Variants in AKR1B15 observed in about 807,000 individuals in gnomAD.
AKR1B15 encodes estradiol 17-beta-dehydrogenase AKR1B15.
In AKR1B15, 49 loss-of-function variants were observed where a neutral mutation model predicts 38.5. The observed-to-expected ratio is 1.27, with a 90% CI of 1.01 to 1.62. The LOEUF is 1.62. Ranked by LOEUF, AKR1B15 falls within the 40% of genes most tolerant of loss-of-function variation. The pLI is 0.00. For missense variants in AKR1B15, 411 were observed against 381.6 expected, an observed-to-expected ratio of 1.08 and a Z score of -0.64; for synonymous variants, 137 against 135.5, an observed-to-expected ratio of 1.01 and a Z score of -0.08.
In AKR1B15 at chr7:134,579,815, A is replaced by G. The variant is rs1794844210; in HGVS notation, c.*266A>G. 1 of 371,546 alleles carries G rather than the reference A, an allele frequency of 2.7e-6. No individual in the cohort carries two copies. The highest frequency in any genetic ancestry group is 1.1e-4 in the South Asian group (1 of 8,788). The allele number at this position is 371,546 out of a possible 1,614,324, so 23.0% of individuals were successfully genotyped here. ...TGATCAAATGTCTGTTAAGCACCAGAAACTCTGCCAACACTGAGGATGTAA... is the reference window on the plus strand; with the variant it reads ...TGATCAAATGTCTGTTAAGCACCAGGAACTCTGCCAACACTGAGGATGTAA... On this transcript the variant is annotated 3_prime_UTR_variant, in exon 12 of 12. Coordinates refer to ENST00000457545, the MANE Select transcript of AKR1B15 (RefSeq NM_001080538.3).
At chr7:134,552,912 A>C (rs915890956) in intron 1 of AKR1B15, among the ~76,000 whole-genome samples, 32 of 152,272 alleles carry the variant, frequency 2.1e-4, no homozygotes, top group African/African-American at 7.7e-4. Context: ...ATTCTGAGCC[A>C]GTCACCCTAA....
intron 2 of AKR1B15, among the ~76,000 whole-genome samples, chr7:134,562,880 T>TTCTTTCTTTCTTTC (rs1491286177): frequency 7.2e-5 from 10 of 139,200 alleles, no homozygotes; most frequent in Non-Finnish European, 1.2e-4. Context: ...CTTTCTTTCT[T>TTCTTTCTTTCTTTC]TCTTTCTTTC....
intron 3 of AKR1B15, among the ~76,000 whole-genome samples, chr7:134,566,367 T>C (rs1278615804): frequency 6.6e-6 from 1 of 152,178 alleles, no homozygotes; most frequent in Non-Finnish European, 1.5e-5. Context: ...ATCTGCACTT[T>C]AACAAGTTCC....
chr7:134,560,918 A>C (rs1794368470), intron 2 of AKR1B15, among the ~76,000 whole-genome samples: 1 of 152,212 alleles, frequency 6.6e-6, no homozygotes, highest in South Asian at 2.1e-4. Context: ...AGGCTAATTA[A>C]TTCAAAGAAA....
rs1794839703 is a variant in AKR1B15 at position 134,579,546 on chromosome 7, T to C, written c.1032T>C (p.Tyr344=). Residue 344 remains tyrosine, a synonymous_variant, in exon 12 of 12, where the codon TAT becomes TAC. Coordinates refer to ENST00000457545, the MANE Select transcript of AKR1B15 (RefSeq NM_001080538.3). ...AGGACTTTCCCTTCGATGCAGAATA[T>C]TGAGGTTGAATCTCCTGGTGAGATT... The part of the protein sequence containing the change: ...HLEDFPFDAE[Y] 2 of 1,600,340 alleles carry C rather than the reference T, an allele frequency of 1.2e-6. No homozygotes were observed. The highest frequency in any genetic ancestry group is 2.7e-5 in the African/African-American group (2 of 74,036).
chr7:134,579,418 A>T, intron 11 of AKR1B15, 89 bp from the exon 12 acceptor site: 3 of 1,172,352 alleles, frequency 2.6e-6, no homozygotes, highest in Non-Finnish European at 3.6e-6. Flanking sequence ...CACAAATACC[A>T]CAGAGTCCAC....
At chr7:134,549,921 G>A (rs531485787) in intron 1 of AKR1B15, among the ~76,000 whole-genome samples, 3 of 152,246 alleles carry the variant, frequency 2.0e-5, no homozygotes, top group East Asian at 1.9e-4. Flanking sequence ...CTCATTAGTC[G>A]GTTGGGCTGG....
At chr7:134,568,090 C>A in intron 3 of AKR1B15, 68 bp from the exon 4 acceptor site, 4 of 1,578,472 alleles carry the variant, frequency 2.5e-6, no homozygotes, top group Non-Finnish European at 2.6e-6. Flanking sequence ...CCAGCCTGGG[C>A]AACATGGCAA....
intron 2 of AKR1B15, among the ~76,000 whole-genome samples, chr7:134,557,202 TCTC>T (rs1027879497): frequency 1.3e-5 from 2 of 152,164 alleles, no homozygotes; most frequent in African/African-American, 2.4e-5. Flanking sequence ...GGGACCCCCT[TCTC>T]CTCCTCTTGT....
chr7:134,566,674 C>G (rs1279097902), intron 3 of AKR1B15, among the ~76,000 whole-genome samples: 3 of 152,108 alleles, frequency 2.0e-5, no homozygotes, highest in African/African-American at 7.2e-5. Flanking sequence ...GGCTAATTTC[C>G]CTGCTCAGAC....
rs531864361 is a variant in AKR1B15 at position 134,576,997 on chromosome 7, C to G, written c.860C>G (p.Thr287Arg). The change falls in exon 10 of 12, where the codon ACA (threonine) becomes AGA (arginine). Residue 287 changes from threonine (T) to arginine (R), a missense_variant. Physicochemically the swap from Thr to Arg is moderately conservative, Grantham distance 71. This residue lies in a region of AKR1B15 where 133 missense variants were observed against 120.3 expected (regional missense o/e 1.11). Transcript: ENST00000457545. Reference protein sequence around the residue: ...LIRFHIQRNVTVIPKSMTPAH... With the variant: ...LIRFHIQRNVRVIPKSMTPAH... Reference sequence around the variant, plus strand: ...CGTTTCCATATCCAGAGGAATGTGACAGTGATCCCCAAGTCTATGACACCA... The same window carrying G: ...CGTTTCCATATCCAGAGGAATGTGAGAGTGATCCCCAAGTCTATGACACCA... 1 of 1,613,810 alleles carries G rather than the reference C, an allele frequency of 6.2e-7. No individual in the cohort carries two copies. The highest frequency in any genetic ancestry group is 1.7e-5 in the Admixed American group (1 of 59,994).
Position 134,574,547 on chromosome 7 carries a change from T to A in AKR1B15, c.514-873T>A, listed in dbSNP as rs1585813533. 2.6e-5 allele frequency among the ~76,000 whole-genome samples: 4 copies of A among 152,320 alleles called. No homozygotes were observed. The South Asian group carries it at 8.3e-4, about 32-fold the overall frequency. ...GATTGATGGCTCCATAGAAGGGAAC[T>A]CTAGCACTTTAATTGGACTGTAAGA... is the stretch of plus-strand genomic sequence containing the variant. On this transcript the variant is annotated intron_variant, in intron 6 of 11. Transcript: ENST00000457545.
At chr7:134,552,421 T>C (rs1794017977) in intron 1 of AKR1B15, among the ~76,000 whole-genome samples, 1 of 152,144 alleles carries the variant, frequency 6.6e-6, no homozygotes, top group Non-Finnish European at 1.5e-5. Flanking sequence ...CTGCCAGCTG[T>C]TGTAGAACTC....
At chr7:134,554,890 A>G (rs1302022216) in intron 1 of AKR1B15, among the ~76,000 whole-genome samples, 2 of 152,228 alleles carry the variant, frequency 1.3e-5, no homozygotes, top group African/African-American at 2.4e-5. Flanking sequence ...GCAAGGCATT[A>G]AACATTCAAT....
intron 6 of AKR1B15, among the ~76,000 whole-genome samples, chr7:134,572,005 C>A (rs1255724700): frequency 6.6e-6 from 1 of 152,106 alleles, no homozygotes. Context: ...AGCTGAGTAA[C>A]CTAGGGTCAG....
At position 134,559,721 on chromosome 7, in the gene AKR1B15, T is replaced by C. The variant is rs77292477; in HGVS notation, c.-23+2862T>C. Among the ~76,000 whole-genome samples the C allele has an allele frequency of 9.0e-3, 1,366 of 152,316 alleles. 21 individuals are homozygous for C. The highest frequency in any genetic ancestry group is 0.032 in the African/African-American group (1,311 of 41,570). ...TCATCAGATTTAAAAAATGAGTTTCTTAAAGGTGCAAAACCAGGAATAGCT... is the reference window on the plus strand; with the variant it reads ...TCATCAGATTTAAAAAATGAGTTTCCTAAAGGTGCAAAACCAGGAATAGCT... On this transcript the variant is annotated intron_variant, in intron 2 of 11. Coordinates refer to ENST00000457545, the MANE Select transcript of AKR1B15 (RefSeq NM_001080538.3).
intron 9 of AKR1B15, 92 bp downstream of exon 9, chr7:134,576,522 G>A (rs1281409405): frequency 1.4e-6 from 2 of 1,459,322 alleles, no homozygotes; most frequent in African/African-American, 1.4e-5. Context: ...ACTCCTTAAA[G>A]GGGAAGAACA....
intron 8 of AKR1B15, 62 bp downstream of exon 8, chr7:134,575,989 G>A (rs1794762190): frequency 2.5e-6 from 4 of 1,569,524 alleles, no homozygotes; most frequent in Non-Finnish European, 3.5e-6. Context: ...TTTATAATTG[G>A]TAAATGTCGG....
At chr7:134,563,987 C>T (rs1473400324) in intron 2 of AKR1B15, among the ~76,000 whole-genome samples, 3 of 152,138 alleles carry the variant, frequency 2.0e-5, no homozygotes, top group Non-Finnish European at 2.9e-5. Context: ...GGAATGTCAA[C>T]CTATATCTGC....
Sources: gnomAD v4.1 joint callset for allele counts (sites outside exome capture counted in the v4.1 genomes callset) on GRCh38, gnomAD v4.1.1 for gene constraint, gnomAD v4.1.1 regional missense constraint, MANE v1.5 for transcripts, NCBI Gene and HGNC (gene_info 2026-07-23, HGNC 2026-07-21) for gene names.